The following BAIAP2 variants were observed in gnomAD, a reference collection of about 807,000 sequenced individuals.
BAIAP2 encodes BAR/IMD domain-containing adapter protein 2.
Under a neutral mutation model 63.0 loss-of-function variants are expected in BAIAP2, and 18 were observed. The ratio of observed to expected loss-of-function variants is 0.29; its 90% CI spans 0.20 to 0.42. The LOEUF (loss-of-function observed/expected upper bound fraction) is 0.42, where lower values mean the gene tolerates loss of function less well. Ranked by LOEUF, BAIAP2 falls within the 10% of genes least tolerant of loss-of-function variation. The probability of loss-of-function intolerance (pLI) is 1.00; values close to 1 mark genes in which losing one functional copy is unlikely to be tolerated. For missense variants in BAIAP2, 610 were observed against 734.3 expected (o/e 0.83, Z 1.96); for synonymous variants, 386 against 307.6 (o/e 1.25, Z -2.67).
At position 81,116,096 on chromosome 17, in the gene BAIAP2, C is replaced by T. The variant is rs1239528714; in HGVS notation, c.*257C>T. 2 of 1,532,794 alleles carry T rather than the reference C, an allele frequency of 1.3e-6. No homozygotes were observed. Among genetic ancestry groups the T allele is most frequent in the East Asian group, 4.6e-5 (2 of 43,354 alleles). The allele number at this position is 1,532,794 out of a possible 1,614,324, so 94.9% of individuals were successfully genotyped here. A position where few individuals can be genotyped will look rare whatever the true frequency, so the allele number is the denominator to read the frequency against. ...AGGGGCCGCCTCTTGAGGGTACACG[C>T]CTCTGGTCACATGGCCATGGAGCCT... On this transcript the variant is annotated 3_prime_UTR_variant, in exon 14 of 14. Transcript: ENST00000428708.
intron 2 of BAIAP2, among the ~76,000 whole-genome samples, chr17:81,056,739 C>T (rs1219770910): frequency 6.6e-6 from 1 of 152,222 alleles, no homozygotes; most frequent in African/African-American, 2.4e-5. Context: ...GGAATGAGCT[C>T]GGCCGTCCAG....
At chr17:81,071,655 C>T (rs1416217110) in intron 3 of BAIAP2, among the ~76,000 whole-genome samples, 1 of 152,238 alleles carries the variant, frequency 6.6e-6, no homozygotes, top group African/African-American at 2.4e-5. Context: ...CCTGACCACT[C>T]GGTAGCAGCG....
chr17:81,070,063 G>C (rs1159184930), intron 3 of BAIAP2, among the ~76,000 whole-genome samples: 2 of 152,140 alleles, frequency 1.3e-5, no homozygotes, highest in Non-Finnish European at 2.9e-5. Flanking sequence ...GGGCTCAAGC[G>C]ATCCTCCCAC....
intron 1 of BAIAP2, among the ~76,000 whole-genome samples, chr17:81,052,352 C>A (rs567550140): frequency 4.6e-5 from 7 of 152,352 alleles, no homozygotes; most frequent in African/African-American, 1.4e-4. Flanking sequence ...GCGGCTGGGT[C>A]GATGCTGCAT....
intron 6 of BAIAP2, among the ~76,000 whole-genome samples, chr17:81,089,308 G>A (rs1026245493): frequency 3.3e-5 from 5 of 152,146 alleles, no homozygotes; most frequent in Admixed American, 6.5e-5. Flanking sequence ...CCAGTGCCTC[G>A]GTGGACCCTT....
chr17:81,073,880 G>A (rs899468202), intron 3 of BAIAP2, among the ~76,000 whole-genome samples: 1 of 152,222 alleles, frequency 6.6e-6, no homozygotes, highest in Admixed American at 6.5e-5. Context: ...GAGCTGGCAG[G>A]CGCCAGTTCC....
At chr17:81,048,543 T>TGC (rs2048178051) in intron 1 of BAIAP2, among the ~76,000 whole-genome samples, 1 of 152,054 alleles carries the variant, frequency 6.6e-6, no homozygotes, top group African/African-American at 2.4e-5. Context: ...TGCTGCCTTG[T>TGC]GCCCACACTG....
At chr17:81,054,862 C>T (rs888730858) in intron 2 of BAIAP2, among the ~76,000 whole-genome samples, 6 of 152,162 alleles carry the variant, frequency 3.9e-5, no homozygotes, top group Non-Finnish European at 8.8e-5. Flanking sequence ...GCCAGATGCC[C>T]TTCTCACCTG....
At position 81,116,253 on chromosome 17, in the gene BAIAP2, C is replaced by A. The variant is rs373541595; in HGVS notation, c.*414C>A. The A allele has an allele frequency of 6.8e-6, 11 of 1,612,642 alleles. No homozygotes were observed. The African/African-American group carries it at 1.5e-4, about 22-fold the overall frequency. On this transcript the variant is annotated 3_prime_UTR_variant, in exon 14 of 14. Coordinates refer to ENST00000428708, the MANE Select transcript of BAIAP2 (RefSeq NM_001144888.2). ...AGGTGTGATCTGTCCGCCCAAGGGC[C>A]AGAAGGCCGGGAGCACGGGGATGGG...
At chr17:81,109,829 G>A in intron 13 of BAIAP2, 1 of 985,436 alleles carries the variant, frequency 1.0e-6, no homozygotes, top group Non-Finnish European at 1.2e-6. Flanking sequence ...ACATTCCTTT[G>A]ACCAGCCTTG....
chr17:81,069,869 C>G (rs896851572), intron 3 of BAIAP2, among the ~76,000 whole-genome samples: 1 of 152,248 alleles, frequency 6.6e-6, no homozygotes, highest in Admixed American at 6.5e-5. Flanking sequence ...CCTGAACAGG[C>G]AGCAGAGGTG....
chr17:81,037,776 C>A (rs972809320), intron 1 of BAIAP2, among the ~76,000 whole-genome samples: 30 of 152,252 alleles, frequency 2.0e-4, no homozygotes, highest in Non-Finnish European at 3.1e-4. Flanking sequence ...TTGGTTTGGA[C>A]ATTGCATCGC....
chr17:81,044,864 G>A (rs566589556), intron 1 of BAIAP2, among the ~76,000 whole-genome samples: 17 of 152,364 alleles, frequency 1.1e-4, no homozygotes, highest in Middle Eastern at 3.4e-3. Flanking sequence ...GGCCACAGGC[G>A]AAAGGCAGCC....
At chr17:81,035,388 A>C (rs1439459581) in intron 1 of BAIAP2, 80 bp downstream of exon 1, 15 of 883,742 alleles carry the variant, frequency 1.7e-5, no homozygotes, top group Admixed American at 6.1e-5. Flanking sequence ...GAGCCCGACC[A>C]GGGCGGCCCC....
At chr17:81,085,390 G>A (rs1225874674) in intron 4 of BAIAP2, 2 of 633,246 alleles carry the variant, frequency 3.2e-6, no homozygotes, top group Non-Finnish European at 5.8e-6. Flanking sequence ...GCAGAGGAAG[G>A]AGGGGATGGC....
At chr17:81,086,208 G>C (rs528506126) in intron 5 of BAIAP2, among the ~76,000 whole-genome samples, 1 of 150,704 alleles carries the variant, frequency 6.6e-6, no homozygotes, top group Admixed American at 6.6e-5. Context: ...CATCTTGGGC[G>C]ACCAGAGAGC....
chr17:81,115,250 G>T (rs896151068), intron 13 of BAIAP2, among the ~76,000 whole-genome samples: 20 of 152,226 alleles, frequency 1.3e-4, no homozygotes, highest in Non-Finnish European at 7.3e-5. Context: ...GGGCCCATGG[G>T]TGTCCATCTG....
intron 3 of BAIAP2, among the ~76,000 whole-genome samples, chr17:81,067,545 C>T (rs753684742): frequency 2.0e-5 from 3 of 151,156 alleles, no homozygotes; most frequent in East Asian, 1.9e-4. Flanking sequence ...GTTGCAGCCG[C>T]GGCAGCCAAG....
chr17:81,044,036 G>T (rs937445675), intron 1 of BAIAP2, among the ~76,000 whole-genome samples: 3 of 152,206 alleles, frequency 2.0e-5, no homozygotes, highest in African/African-American at 7.2e-5. Context: ...GGAAAGCCCC[G>T]CCCCGAAGCT....
Sources: gnomAD v4.1 joint callset for allele counts (sites outside exome capture counted in the v4.1 genomes callset) on GRCh38, gnomAD v4.1.1 for gene constraint, MANE v1.5 for transcripts, NCBI Gene and HGNC (gene_info 2026-07-23, HGNC 2026-07-21) for gene names.